ATP13A3: variants seen among roughly 807,000 people sequenced by gnomAD.
ATP13A3 encodes polyamine-transporting ATPase 13A3.
A neutral mutation model predicts 158.1 loss-of-function variants in ATP13A3; 59 were observed. The observed-to-expected ratio is 0.37, with a 90% CI of 0.30 to 0.46. The LOEUF (loss-of-function observed/expected upper bound fraction) is 0.46. ATP13A3 is among the 20% of genes least tolerant of loss of function. The probability of loss-of-function intolerance (pLI) is 1.00; values close to 1 mark genes in which losing one functional copy is unlikely to be tolerated. For synonymous variants in ATP13A3, 491 were observed against 504.3 expected (o/e 0.97, Z 0.35); for missense variants, 1,166 against 1,525.2 (o/e 0.76, Z 3.92).
At chr3:194,443,838 T>C (rs1454265190) in intron 15 of ATP13A3, among the ~76,000 whole-genome samples, 2 of 151,912 alleles carry the variant, frequency 1.3e-5, no homozygotes, top group Non-Finnish European at 2.9e-5. Context: ...ATACACAATA[T>C]TGAAAAAGAT....
At chr3:194,468,763 G>A (rs76091690) in intron 2 of ATP13A3, among the ~76,000 whole-genome samples, 7 of 152,200 alleles carry the variant, frequency 4.6e-5, no homozygotes, top group Middle Eastern at 3.4e-3. Flanking sequence ...TTTAAATAAC[G>A]ACCTGTAATC....
chr3:194,488,677 T>A (rs1577102045), upstream of ATP13A3: 1 of 152,416 alleles, frequency 6.6e-6, no homozygotes, highest in East Asian at 1.9e-4. The surrounding 1 kb of genome is among the most constrained non-coding windows in gnomAD (Gnocchi z 4.1). Context: ...CTGGAATCTC[T>A]CTACTACCTT....
intron 10 of ATP13A3, 105 bp downstream of exon 10, chr3:194,453,601 T>A (rs899345842): frequency 1.2e-5 from 10 of 844,518 alleles, no homozygotes; most frequent in Admixed American, 4.8e-5. Context: ...ACTCAATCAA[T>A]CAATCAATCA....
chr3:194,432,119 C>T, intron 21 of ATP13A3: 1 of 421,170 alleles, frequency 2.4e-6, no homozygotes. Context: ...ACATCTCACC[C>T]ACAATTTTTA....
Position 194,431,890 on chromosome 3 carries a change from C to T in ATP13A3, c.2248G>A (p.Asp750Asn), listed in dbSNP as rs1229569835. Residue 750 changes from aspartate to asparagine, a missense_variant and splice_region_variant, in exon 22 of 34, where the codon GAC (aspartate) becomes AAC (asparagine). Asp to Asn is a conservative substitution (Grantham distance 23, BLOSUM62 1). Around this residue, in one of 3 missense-constraint regions of ATP13A3, gnomAD observed 997 missense variants for 1,341.2 expected, o/e 0.74. Transcript: ENST00000645319. ...ANIRTVMVTG[D>N]SMLTAVSVAR... ...ACAGAGACAGCAGTCAACATACTGT[C>T]ACCTAATTTTCAAAATATTTTAAAT... is the stretch of plus-strand genomic sequence containing the variant. 6.4e-7 allele frequency: 1 copy of T among 1,568,544 alleles called. No homozygotes were observed. Among genetic ancestry groups the T allele is most frequent in the South Asian group, 1.2e-5 (1 of 84,176 alleles).
intron 10 of ATP13A3, chr3:194,452,512 T>C (rs1158946156): frequency 6.6e-6 from 1 of 152,088 alleles, no homozygotes; most frequent in Admixed American, 6.5e-5. Flanking sequence ...AATAAATTAA[T>C]AATAATAGCC....
At chr3:194,466,892 C>T (rs1013178308) in intron 2 of ATP13A3, among the ~76,000 whole-genome samples, 2 of 152,192 alleles carry the variant, frequency 1.3e-5, no homozygotes, top group African/African-American at 2.4e-5. Context: ...AGAAAACTTT[C>T]AGAAGACATT....
At chr3:194,421,986 TTACATC>T (rs1243556986) in intron 30 of ATP13A3, among the ~76,000 whole-genome samples, 1 of 145,948 alleles carries the variant, frequency 6.9e-6, no homozygotes, top group Non-Finnish European at 1.5e-5. Context: ...AGAAGCTTCT[TTACATC>T]TACCTAAACA....
upstream of ATP13A3, among the ~76,000 whole-genome samples, chr3:194,491,486 T>A (rs1366465077): frequency 6.6e-6 from 1 of 150,722 alleles, no homozygotes; most frequent in Admixed American, 6.6e-5. Context: ...CCCCCTCATC[T>A]CTCACCTCGC....
In ATP13A3 at chr3:194,459,518, A is replaced by G. The variant is rs780795306; in HGVS notation, c.432T>C (p.Ser144=). ...SQQIRYFTHH[S]VKYFWNDTIH... ...TGGTATCATTCCAGAAATATTTTAC[A>G]CTATGGTGGGTGAAATAACGAATCT... The change falls in exon 6 of 34, where the codon AGT becomes AGC. Residue 144 remains serine, a synonymous_variant. Transcript: ENST00000645319. 9.3e-6 allele frequency: 15 copies of G among 1,604,624 alleles called. No homozygotes were observed. The highest frequency in any genetic ancestry group is 1.7e-5 in the Admixed American group (1 of 59,706).
chr3:194,458,092 A>C (rs1373895133), intron 6 of ATP13A3, among the ~76,000 whole-genome samples: 2 of 151,906 alleles, frequency 1.3e-5, no homozygotes, highest in Non-Finnish European at 1.5e-5. Flanking sequence ...CGCCTTAATT[A>C]TGCTTATTTT....
chr3:194,478,585 T>C (rs1274231952), intron 2 of ATP13A3, among the ~76,000 whole-genome samples: 1 of 152,090 alleles, frequency 6.6e-6, no homozygotes, highest in East Asian at 1.9e-4. Context: ...GTGATAGCCT[T>C]TGAGGAATAA....
chr3:194,449,631 C>T (rs569579156), intron 11 of ATP13A3, among the ~76,000 whole-genome samples: 74 of 151,792 alleles, frequency 4.9e-4, no homozygotes, highest in Non-Finnish European at 7.9e-4. Context: ...GAGCCAAGAT[C>T]GCACCACTGC....
chr3:194,419,784 C>T, intron 31 of ATP13A3, 95 bp downstream of exon 31: 4 of 1,490,266 alleles, frequency 2.7e-6, no homozygotes, highest in African/African-American at 1.5e-5. Context: ...AATATAACAG[C>T]ATCTTAGAAT....
At chr3:194,426,538 T>C (rs1462798912) in intron 29 of ATP13A3, among the ~76,000 whole-genome samples, 1 of 152,124 alleles carries the variant, frequency 6.6e-6, no homozygotes, top group Non-Finnish European at 1.5e-5. Flanking sequence ...TTTCTTATTT[T>C]ACAGATAAGT....
intron 2 of ATP13A3, among the ~76,000 whole-genome samples, chr3:194,471,633 C>A (rs140903158): frequency 6.6e-6 from 1 of 152,162 alleles, no homozygotes; most frequent in Non-Finnish European, 1.5e-5. Flanking sequence ...GGATTACAGG[C>A]GTGAGCTACC....
At chr3:194,407,263 A>T (rs1027672112) in intron 33 of ATP13A3, among the ~76,000 whole-genome samples, 1 of 152,216 alleles carries the variant, frequency 6.6e-6, no homozygotes, top group East Asian at 1.9e-4. Context: ...GCCAATCAAC[A>T]TATAAACCAG....
At position 194,437,473 on chromosome 3, in the gene ATP13A3, T is replaced by C; in HGVS notation, c.1846-9A>G. 3.7e-6 allele frequency: 6 copies of C among 1,614,094 alleles called. No homozygotes were observed. The highest frequency in any genetic ancestry group is 5.1e-6 in the Non-Finnish European group (6 of 1,180,000). On this transcript the variant is annotated splice_polypyrimidine_tract_variant and intron_variant, in intron 18 of 33. Transcript: ENST00000645319. The stretch of plus-strand genomic sequence containing the variant: ...CCTATCTCATAAGTAGCCTATATCA[T>C]TTCAAAAGAGGCACAAAGCACTTAA...
At chr3:194,417,947 AGACG>A (rs201535107) in intron 31 of ATP13A3, among the ~76,000 whole-genome samples, 17,307 of 120,994 alleles carry the variant, frequency 0.14, 2,344 homozygotes, top group African/African-American at 0.33. Flanking sequence ...GGTGACAGAC[AGACG>A]GACGGACGGA....
Sources: allele counts gnomAD v4.1 joint callset (sites outside exome capture counted in the v4.1 genomes callset), GRCh38; gene constraint gnomAD v4.1.1; regional missense constraint gnomAD v4.1.1; non-coding constraint Gnocchi (gnomAD v3.1); transcripts MANE v1.5; gene names NCBI Gene and HGNC (gene_info 2026-07-23, HGNC 2026-07-21).